PALM2AKAP2: variants seen among roughly 807,000 people sequenced by gnomAD.
PALM2AKAP2 encodes PALM2 and AKAP2 fusion.
PALM2AKAP2 carries 37 observed loss-of-function variants against 71.5 expected under a neutral mutation model. The observed-to-expected ratio is 0.52, with a 90% CI of 0.40 to 0.68. The LOEUF (loss-of-function observed/expected upper bound fraction) is 0.68, where lower values mean the gene tolerates loss of function less well. Among genes scored for constraint, PALM2AKAP2 ranks in the 30% least tolerant of loss-of-function variants. The pLI is 0.00. For synonymous variants in PALM2AKAP2, 468 were observed against 478.8 expected, an observed-to-expected ratio of 0.98 and a Z score of 0.29; for missense variants, 1,224 against 1,191.8, an observed-to-expected ratio of 1.03 and a Z score of -0.40.
intron 1 of PALM2AKAP2, among the ~76,000 whole-genome samples, chr9:109,657,452 T>TTGCGTGTGTGTG (rs1827323625): frequency 6.8e-6 from 1 of 147,106 alleles, no homozygotes; most frequent in African/African-American, 2.6e-5. Flanking sequence ...AATATGGTAT[T>TTGCGTGTGTGTG]TGTGTGTGTG....
In PALM2AKAP2 at chr9:110,100,051, C is replaced by CTATATATATATATATATA. The variant is rs71373968; in HGVS notation, c.157-36063_157-36046dup. ...AACATATATGCATATGTATGTGTGT[C>CTATATATATATATATATA]TATATATATATATATATATATATAT... On this transcript the variant is annotated intron_variant, in intron 1 of 3. Transcript: ENST00000374525. 3.9e-3 allele frequency among the ~76,000 whole-genome samples: 422 copies of CTATATATATATATATATA among 109,392 alleles called. 8 individuals carry two copies. Among genetic ancestry groups the CTATATATATATATATATA allele is most frequent in the South Asian group, 8.0e-3 (22 of 2,752 alleles). The allele number at this position is 109,392 out of a possible 152,430, so 71.8% of individuals were successfully genotyped here. A position where few individuals can be genotyped will look rare whatever the true frequency, so the allele number is the denominator to read the frequency against.
rs1351240845 is a variant in PALM2AKAP2, at chr9:109,725,876, T to G, written c.6-54612T>G. On this transcript the variant is annotated intron_variant, in intron 1 of 6. Coordinates refer to the PALM2AKAP2 transcript ENST00000374531. ...TCACACTTCACACAGTCTCTCATCG[T>G]GGCAGCTATTTTATTTTCTCTCACA... 5.3e-5 allele frequency among the ~76,000 whole-genome samples: 8 copies of G among 152,226 alleles called. 1 individual carries two copies. The highest frequency in any genetic ancestry group is 2.9e-5 in the Non-Finnish European group (2 of 68,040).
chr9:110,012,384 A>G (rs1169552950), intron 6 of PALM2AKAP2, among the ~76,000 whole-genome samples: 1 of 152,088 alleles, frequency 6.6e-6, no homozygotes, highest in Non-Finnish European at 1.5e-5. Flanking sequence ...ATTTCTTTCA[A>G]TTTCTTTCCC....
At chr9:110,065,939 G>A (rs1199123162) in intron 1 of PALM2AKAP2, among the ~76,000 whole-genome samples, 3 of 152,102 alleles carry the variant, frequency 2.0e-5, no homozygotes, top group Non-Finnish European at 4.4e-5. Flanking sequence ...GCCACATTTT[G>A]TATATCCATT....
chr9:110,081,278 A>G (rs973365756), intron 1 of PALM2AKAP2, among the ~76,000 whole-genome samples: 2 of 152,240 alleles, frequency 1.3e-5, no homozygotes, highest in African/African-American at 2.4e-5. Flanking sequence ...GGGATGTATC[A>G]AAAGATATTT....
chr9:109,655,563 G>GACTGAA (rs1390946608), intron 1 of PALM2AKAP2, among the ~76,000 whole-genome samples: 125 of 152,082 alleles, frequency 8.2e-4, no homozygotes, highest in African/African-American at 2.9e-3. Context: ...CATCATCCCA[G>GACTGAA]ACTGAAACTC....
chr9:110,100,701 G>A (rs1834976922), intron 1 of PALM2AKAP2, among the ~76,000 whole-genome samples: 1 of 152,198 alleles, frequency 6.6e-6, no homozygotes, highest in Non-Finnish European at 1.5e-5. Flanking sequence ...GCATCAGGGG[G>A]ATTGTGTTTA....
intron 6 of PALM2AKAP2, among the ~76,000 whole-genome samples, chr9:110,002,829 A>G (rs988634352): frequency 6.6e-6 from 1 of 152,150 alleles, no homozygotes; most frequent in Non-Finnish European, 1.5e-5. Flanking sequence ...AGAGGTGTTT[A>G]TAGTATTCTC....
At chr9:109,692,785 C>A (rs927041172) in intron 1 of PALM2AKAP2, among the ~76,000 whole-genome samples, 2 of 151,880 alleles carry the variant, frequency 1.3e-5, no homozygotes, top group African/African-American at 4.8e-5. Context: ...TGGGGATGAA[C>A]CTCCCTTGGT....
At chr9:109,686,721 C>T (rs935292101) in intron 1 of PALM2AKAP2, among the ~76,000 whole-genome samples, 1 of 151,928 alleles carries the variant, frequency 6.6e-6, no homozygotes, top group African/African-American at 2.4e-5. Context: ...TACATGTACA[C>T]AACATGCAGG....
chr9:109,657,777 A>G (rs1827327797), intron 1 of PALM2AKAP2, among the ~76,000 whole-genome samples: 1 of 152,086 alleles, frequency 6.6e-6, no homozygotes, highest in Admixed American at 6.5e-5. Flanking sequence ...GCTAGAACCT[A>G]AGCTCTCCCT....
intron 3 of PALM2AKAP2, among the ~76,000 whole-genome samples, chr9:109,921,576 A>G (rs1830830079): frequency 6.6e-6 from 1 of 152,242 alleles, no homozygotes; most frequent in Admixed American, 6.5e-5. Context: ...AAATGTTCAG[A>G]GGGAAGCGAT....
At chr9:110,119,442 G>C (rs1044065724) in intron 1 of PALM2AKAP2, among the ~76,000 whole-genome samples, 2 of 151,948 alleles carry the variant, frequency 1.3e-5, no homozygotes, top group African/African-American at 2.4e-5. Flanking sequence ...CGGCATTGGA[G>C]ATCCTTGTGT....
At chr9:110,092,537 T>C (rs10980189) in intron 1 of PALM2AKAP2, among the ~76,000 whole-genome samples, 17,551 of 152,204 alleles carry the variant, frequency 0.12, 1,088 homozygotes, top group Middle Eastern at 0.23. Context: ...AAAAAGTCAA[T>C]TTTTTGCACT....
At chr9:109,735,285 G>C (rs764367588) in intron 1 of PALM2AKAP2, among the ~76,000 whole-genome samples, 1 of 150,902 alleles carries the variant, frequency 6.6e-6, no homozygotes, top group African/African-American at 2.4e-5. Context: ...AGAGCTTTTG[G>C]CCCACCATCT....
intron 1 of PALM2AKAP2, among the ~76,000 whole-genome samples, chr9:109,831,258 G>A (rs763220233): frequency 6.6e-6 from 1 of 152,004 alleles, no homozygotes; most frequent in South Asian, 2.1e-4. Flanking sequence ...AGCGATGTGT[G>A]CCTCTCTGTA....
At chr9:110,093,461 G>A (rs1052305015) in intron 1 of PALM2AKAP2, among the ~76,000 whole-genome samples, 1 of 152,196 alleles carries the variant, frequency 6.6e-6, no homozygotes, top group Non-Finnish European at 1.5e-5. Flanking sequence ...GAAGATACCA[G>A]AGATTGGCAA....
At chr9:109,990,857 T>C (rs1304358163) in intron 6 of PALM2AKAP2, among the ~76,000 whole-genome samples, 1 of 152,236 alleles carries the variant, frequency 6.6e-6, no homozygotes, top group African/African-American at 2.4e-5. Context: ...ATATTTTTAC[T>C]CTTGGAGAAA....
At chr9:109,734,903 C>G (rs948980141) in intron 1 of PALM2AKAP2, among the ~76,000 whole-genome samples, 4 of 152,022 alleles carry the variant, frequency 2.6e-5, no homozygotes, top group African/African-American at 9.7e-5. Context: ...GAAACCTCTT[C>G]CCCTCCCTGG....
Sources: gnomAD v4.1 joint callset for allele counts (sites outside exome capture counted in the v4.1 genomes callset) on GRCh38, gnomAD v4.1.1 for gene constraint, MANE v1.5 for transcripts, NCBI Gene and HGNC (gene_info 2026-07-23, HGNC 2026-07-21) for gene names.